LRBA: variants seen among roughly 807,000 people sequenced by gnomAD.
LRBA encodes the protein lipopolysaccharide-responsive and beige-like anchor protein.
Under a neutral mutation model 330.0 loss-of-function variants are expected in LRBA, and 176 were observed. That is an observed-to-expected ratio of 0.53 (90% CI 0.47 to 0.60). LRBA has a LOEUF of 0.60. Among genes scored for constraint, LRBA ranks in the 20% least tolerant of loss-of-function variants. The probability of loss-of-function intolerance (pLI) is 0.00; values close to 1 mark genes in which losing one functional copy is unlikely to be tolerated. For synonymous variants in LRBA, 1,230 were observed against 1,193.0 expected, an observed-to-expected ratio of 1.03 and a Z score of -0.64; for missense variants, 3,259 against 3,444.8, an observed-to-expected ratio of 0.95 and a Z score of 1.35.
intron 48 of LRBA, among the ~76,000 whole-genome samples, chr4:150,333,811 G>A (rs1350980536): frequency 6.6e-6 from 1 of 152,052 alleles, no homozygotes; most frequent in Non-Finnish European, 1.5e-5. Context: ...ACTTAATCAT[G>A]ATATGGTTAC....
intron 2 of LRBA, among the ~76,000 whole-genome samples, chr4:150,963,530 C>T (rs551935974): frequency 6.7e-6 from 1 of 149,486 alleles, no homozygotes; most frequent in East Asian, 1.9e-4. Context: ...GATCTCGAAT[C>T]GCTACAACCT....
intron 47 of LRBA, among the ~76,000 whole-genome samples, chr4:150,375,766 C>T (rs968661383): frequency 2.0e-5 from 3 of 152,004 alleles, no homozygotes; most frequent in Non-Finnish European, 4.4e-5. Context: ...TACTACTTAA[C>T]ACTAATGCAC....
chr4:150,597,161 CGA>C, intron 38 of LRBA: 1 of 940,216 alleles, frequency 1.1e-6, no homozygotes, highest in Non-Finnish European at 1.6e-6. Context: ...CAATTACTAT[CGA>C]GAGTAATCAG....
At chr4:150,813,198 G>GA (rs1744042565) in intron 31 of LRBA, among the ~76,000 whole-genome samples, 1 of 146,732 alleles carries the variant, frequency 6.8e-6, no homozygotes, top group Non-Finnish European at 1.5e-5. Flanking sequence ...AGAAAGAAAA[G>GA]AAAAAAGAAA....
intron 34 of LRBA, among the ~76,000 whole-genome samples, chr4:150,763,680 C>T (rs1047074212): frequency 6.6e-6 from 1 of 151,384 alleles, no homozygotes; most frequent in Non-Finnish European, 1.5e-5. Flanking sequence ...TATTTTGGTA[C>T]AGAGGGTCCC....
chr4:150,777,540 A>G (rs1001658935), intron 34 of LRBA, among the ~76,000 whole-genome samples: 3 of 152,190 alleles, frequency 2.0e-5, no homozygotes, highest in African/African-American at 7.2e-5. Flanking sequence ...AGCGAATTGG[A>G]TGGATGTACC....
At chr4:150,505,997 G>A (rs1041290697) in intron 40 of LRBA, among the ~76,000 whole-genome samples, 7 of 152,238 alleles carry the variant, frequency 4.6e-5, no homozygotes, top group East Asian at 3.9e-4. Flanking sequence ...TAAATTCCTC[G>A]ACACATACAT....
intron 2 of LRBA, among the ~76,000 whole-genome samples, chr4:150,931,600 CAA>C (rs367728964): frequency 2.3e-4 from 23 of 98,486 alleles, no homozygotes; most frequent in Admixed American, 3.4e-4. Flanking sequence ...TCTCCATATT[CAA>C]AAAAAAAAAA....
chr4:150,400,927 C>T (rs1745375968), intron 47 of LRBA, among the ~76,000 whole-genome samples: 1 of 152,186 alleles, frequency 6.6e-6, no homozygotes, highest in African/African-American at 2.4e-5. Context: ...GTGTCCCCTC[C>T]AACACAACTC....
chr4:150,853,025 AATAC>A (rs1173507080), intron 22 of LRBA, 82 bp from the exon 23 acceptor site: 2 of 688,584 alleles, frequency 2.9e-6, no homozygotes, highest in Non-Finnish European at 4.4e-6. Context: ...ATAATTTTCA[AATAC>A]ATAGTTTATA....
At chr4:150,285,007 A>C (rs1004492919) in intron 54 of LRBA, among the ~76,000 whole-genome samples, 10 of 152,326 alleles carry the variant, frequency 6.6e-5, no homozygotes, top group Admixed American at 2.0e-4. Flanking sequence ...GGACGTATGA[A>C]ATTATTGAGT....
chr4:150,874,829 T>C (rs1753825034), intron 17 of LRBA, among the ~76,000 whole-genome samples: 3 of 152,160 alleles, frequency 2.0e-5, no homozygotes. Context: ...CTATTCCACG[T>C]GGTGCAGCAA....
intron 9 of LRBA, among the ~76,000 whole-genome samples, chr4:150,911,983 C>T (rs1003221862): frequency 6.6e-6 from 1 of 152,074 alleles, no homozygotes; most frequent in Middle Eastern, 3.2e-3. Context: ...TTGGCATATA[C>T]TTTTCATAGC....
At chr4:150,954,211 C>T (rs1293877768) in intron 2 of LRBA, among the ~76,000 whole-genome samples, 7 of 151,508 alleles carry the variant, frequency 4.6e-5, no homozygotes, top group Non-Finnish European at 1.0e-4. Flanking sequence ...TGCCCGGCCA[C>T]CCCGTCTGGG....
chr4:150,509,249 G>T (rs1236724773), intron 40 of LRBA, among the ~76,000 whole-genome samples: 1 of 151,574 alleles, frequency 6.6e-6, no homozygotes, highest in Admixed American at 6.6e-5. Flanking sequence ...TTTAAAAAAA[G>T]CTATCTGGAA....
chr4:150,923,363 T>C (rs1174000946), intron 4 of LRBA, among the ~76,000 whole-genome samples: 1 of 152,080 alleles, frequency 6.6e-6, no homozygotes. Context: ...GCAAAAGCTA[T>C]TCCTTATGCT....
Position 150,315,639 on chromosome 4 carries a change from G to A in LRBA, c.7631-16C>T, listed in dbSNP as rs1489869843. On this transcript the variant is annotated splice_polypyrimidine_tract_variant and intron_variant, in intron 50 of 56. Transcript: ENST00000651943. ...CCTTGATGAGCTGGAATTCACAAAA[G>A]ATAAAGAAAAAAGGCATTATTTTTT... 17 of 1,548,844 alleles carry A rather than the reference G, an allele frequency of 1.1e-5. No homozygotes were observed. In the Admixed American group the frequency reaches 1.7e-4, roughly 16 times the overall value.
chr4:150,266,642 A>AAGAC (rs971648448), intron 56 of LRBA, among the ~76,000 whole-genome samples: 4 of 152,238 alleles, frequency 2.6e-5, no homozygotes, highest in East Asian at 1.9e-4. Context: ...AAAACAAAGG[A>AAGAC]AGACAGTAAG....
intron 37 of LRBA, among the ~76,000 whole-genome samples, chr4:150,620,615 C>T (rs1776200888): frequency 6.6e-6 from 1 of 152,132 alleles, no homozygotes; most frequent in African/African-American, 2.4e-5. Context: ...CCATGGAATA[C>T]TACTCAGCCA....
Sources: allele counts gnomAD v4.1 joint callset (sites outside exome capture counted in the v4.1 genomes callset), GRCh38; gene constraint gnomAD v4.1.1; transcripts MANE v1.5; gene names NCBI Gene and HGNC (gene_info 2026-07-23, HGNC 2026-07-21).